Variants in SRGAP3 observed in about 807,000 individuals in gnomAD.
SRGAP3 encodes the protein SLIT-ROBO Rho GTPase activating protein 3.
In SRGAP3, 39 loss-of-function variants were observed where a neutral mutation model predicts 121.1. The observed-to-expected ratio is 0.32, with a 90% confidence interval of 0.25 to 0.42. The LOEUF is 0.42. SRGAP3 is among the 10% of genes least tolerant of loss of function. The probability of loss-of-function intolerance (pLI) is 1.00; values close to 1 mark genes in which losing one functional copy is unlikely to be tolerated. For synonymous variants in SRGAP3, 601 were observed against 570.0 expected, an observed-to-expected ratio of 1.05 and a Z score of -0.77; for missense variants, 1,213 against 1,470.6, an observed-to-expected ratio of 0.82 and a Z score of 2.86.
chr3:9,301,074 C>T (rs187945067), intron 3 of SRGAP3, among the ~76,000 whole-genome samples: 2 of 152,290 alleles, frequency 1.3e-5, no homozygotes, highest in Admixed American at 6.5e-5. Context: ...CACCTTCCTT[C>T]CTCTCAATGT....
chr3:9,006,258 G>C (rs1214794595), intron 18 of SRGAP3, among the ~76,000 whole-genome samples: 1 of 151,896 alleles, frequency 6.6e-6, no homozygotes, highest in Non-Finnish European at 1.5e-5. Flanking sequence ...AAATTAGCCG[G>C]GCATGGTGGT....
At chr3:9,015,120 G>T (rs1258376090) in intron 15 of SRGAP3, among the ~76,000 whole-genome samples, 4 of 152,108 alleles carry the variant, frequency 2.6e-5, no homozygotes, top group Admixed American at 2.0e-4. Flanking sequence ...CTGACCTCTA[G>T]ACCTTCCACG....
In SRGAP3 at chr3:9,013,526, C is replaced by T; in HGVS notation, c.1929G>A (p.Gln643=). 1 of 1,614,104 alleles carries T rather than the reference C, an allele frequency of 6.2e-7. No individual in the cohort carries two copies. The highest frequency in any genetic ancestry group is 1.1e-5 in the South Asian group (1 of 91,074). ...YLFAFLNHLS[Q]YSDENMMDPY... is the part of the protein sequence containing the mutation. ...GATCCATCATGTTCTCGTCGCTATACTGGGAGAGGCTAGGAGAGAGGAGTT... is the reference window on the plus strand; with the variant it reads ...GATCCATCATGTTCTCGTCGCTATATTGGGAGAGGCTAGGAGAGAGGAGTT... Residue 643 remains glutamine (Q), a synonymous_variant, in exon 17 of 22, where the codon CAG becomes CAA. Coordinates refer to ENST00000383836, the MANE Select transcript of SRGAP3 (RefSeq NM_014850.4).
intron 1 of SRGAP3, among the ~76,000 whole-genome samples, chr3:9,172,408 A>G (rs1315773809): frequency 6.6e-6 from 1 of 151,950 alleles, no homozygotes; most frequent in Non-Finnish European, 1.5e-5. Context: ...TGCCCAAATG[A>G]CCTCATTTTA....
chr3:9,314,528 T>C (rs571305471), intron 3 of SRGAP3, among the ~76,000 whole-genome samples: 5 of 152,240 alleles, frequency 3.3e-5, no homozygotes, highest in Admixed American at 2.6e-4. Context: ...CCTGCTCTCA[T>C]GGGCACACTG....
chr3:9,251,327 G>A (rs141082999), upstream of SRGAP3, among the ~76,000 whole-genome samples: 5 of 152,262 alleles, frequency 3.3e-5, no homozygotes, highest in Middle Eastern at 3.4e-3. Context: ...CCACTGGCCC[G>A]CAGCCCTTGC....
intron 1 of SRGAP3, among the ~76,000 whole-genome samples, chr3:9,142,999 G>A (rs1040280286): frequency 5.3e-5 from 8 of 151,516 alleles, no homozygotes; most frequent in South Asian, 2.1e-4. Context: ...CACCACACCC[G>A]GCTAATTTTG....
Position 9,243,355 on chromosome 3 carries a change from C to A in SRGAP3, c.67+5530G>T, listed in dbSNP as rs114142597. Among the ~76,000 whole-genome samples the A allele has an allele frequency of 8.1e-3, 1,227 of 152,050 alleles. 9 individuals carry two copies. Among genetic ancestry groups the A allele is most frequent in the African/African-American group, 0.027 (1,124 of 41,464 alleles). On this transcript the variant is annotated intron_variant, in intron 1 of 21. Coordinates refer to ENST00000383836, the MANE Select transcript of SRGAP3 (RefSeq NM_014850.4). ...GGATTTAGAGAAAAGGGATTGGTCG[C>A]CAGGCATGGTGGCTCACGTCTGTAA...
At chr3:9,213,516 G>A (rs1422636591) in intron 1 of SRGAP3, among the ~76,000 whole-genome samples, 2 of 152,162 alleles carry the variant, frequency 1.3e-5, no homozygotes, top group South Asian at 2.1e-4. Context: ...TTTCATCTGT[G>A]CTGTTTCTGG....
At chr3:9,009,103 G>A (rs1559899884) in intron 18 of SRGAP3, among the ~76,000 whole-genome samples, 1 of 152,168 alleles carries the variant, frequency 6.6e-6, no homozygotes. Context: ...TCAGGTATAG[G>A]AACTTACTCT....
intron 3 of SRGAP3, among the ~76,000 whole-genome samples, chr3:9,091,841 T>C (rs1947770448): frequency 2.0e-5 from 3 of 152,104 alleles, no homozygotes; most frequent in Admixed American, 2.0e-4. Context: ...TTTCTTCCTT[T>C]CCCTGCTCCT....
intron 3 of SRGAP3, among the ~76,000 whole-genome samples, chr3:9,086,750 G>A: frequency 6.9e-6 from 1 of 145,334 alleles, no homozygotes; most frequent in Middle Eastern, 3.6e-3. Flanking sequence ...ATGTATATAT[G>A]TATTACATAT....
chr3:9,199,404 GA>G (rs1193621761), intron 1 of SRGAP3, among the ~76,000 whole-genome samples: 1 of 152,146 alleles, frequency 6.6e-6, no homozygotes, highest in African/African-American at 2.4e-5. Context: ...CGCTGACTGA[GA>G]TTTTTTTTTA....
chr3:9,188,826 T>G (rs1396188587), intron 1 of SRGAP3, among the ~76,000 whole-genome samples: 2 of 152,194 alleles, frequency 1.3e-5, no homozygotes, highest in East Asian at 3.8e-4. Context: ...TAGGGAAAGA[T>G]GCAAAGTTGG....
intron 1 of SRGAP3, among the ~76,000 whole-genome samples, chr3:9,347,872 G>A (rs1262976240): frequency 6.6e-6 from 1 of 152,178 alleles, no homozygotes; most frequent in Admixed American, 6.5e-5. Flanking sequence ...CTGATCTACT[G>A]AGTAATACAT....
chr3:9,272,181 A>T (rs1283200576), intron 3 of SRGAP3, among the ~76,000 whole-genome samples: 1 of 152,240 alleles, frequency 6.6e-6, no homozygotes, highest in Non-Finnish European at 1.5e-5. Context: ...AAATGTTGTC[A>T]GTCGTTACGG....
At chr3:9,288,587 T>C (rs570482573) in intron 3 of SRGAP3, among the ~76,000 whole-genome samples, 100 of 152,104 alleles carry the variant, frequency 6.6e-4, no homozygotes, top group African/African-American at 2.4e-3. Flanking sequence ...TGTCTTTTTT[T>C]TTTTTTTAGA....
chr3:9,064,574 T>C lies in SRGAP3; in HGVS notation c.494A>G (p.Lys165Arg). The change falls in exon 5 of 22, where the codon AAA becomes AGA. Residue 165 changes from lysine to arginine, a missense_variant. This residue lies in a region of SRGAP3 where 793 missense variants were observed against 1,032.9 expected (regional missense o/e 0.77). Coordinates refer to ENST00000383836, the MANE Select transcript of SRGAP3 (RefSeq NM_014850.4). ...CTCTGCATGGTACATGTGGTAGGTT[T>C]TCATGACCTGGGGGTGCACAAGTAG... ...KVTNELYTVM[K>R]TYHMYHAESI... is the part of the protein sequence containing the mutation. 6.2e-7 allele frequency: 1 copy of C among 1,613,986 alleles called. No individual in the cohort carries two copies. The highest frequency in any genetic ancestry group is 8.5e-7 in the Non-Finnish European group (1 of 1,180,002).
chr3:9,216,430 G>A (rs544743860), intron 1 of SRGAP3, among the ~76,000 whole-genome samples: 1 of 152,270 alleles, frequency 6.6e-6, no homozygotes, highest in African/African-American at 2.4e-5. Context: ...AAAACACCCT[G>A]TGGAGCAGCC....
Sources: allele counts gnomAD v4.1 joint callset (sites outside exome capture counted in the v4.1 genomes callset), GRCh38; gene constraint gnomAD v4.1.1; regional missense constraint gnomAD v4.1.1; transcripts MANE v1.5; gene names NCBI Gene and HGNC (gene_info 2026-07-23, HGNC 2026-07-21).